Variants in TCEA1 observed in about 807,000 individuals in gnomAD.
The protein encoded by TCEA1 is transcription elongation factor A1.
Under a neutral mutation model 43.8 loss-of-function variants are expected in TCEA1, and 21 were observed. The observed-to-expected ratio is 0.48, with a 90% confidence interval of 0.34 to 0.69. TCEA1 has a LOEUF of 0.69. TCEA1 is among the 30% of genes least tolerant of loss of function. TCEA1 has a pLI of 0.01. For synonymous variants in TCEA1, 104 were observed against 117.5 expected (o/e 0.88, Z 0.75); for missense variants, 250 against 365.1 (o/e 0.68, Z 2.57).
In TCEA1 at chr8:53,967,891, T is replaced by C. The variant is rs1404369267; in HGVS notation, c.*213A>G. The stretch of plus-strand genomic sequence containing the variant: ...CTTATAAAAACAGAAAAAATATGTT[T>C]TGAAACAGGTACCATAAAATTATTA... On this transcript the variant is annotated 3_prime_UTR_variant, in exon 10 of 10. Coordinates refer to ENST00000521604, the MANE Select transcript of TCEA1 (RefSeq NM_006756.4). 1 of 423,322 alleles carries C rather than the reference T, an allele frequency of 2.4e-6. No homozygotes were observed. Among genetic ancestry groups the C allele is most frequent in the Non-Finnish European group, 4.3e-6 (1 of 230,344 alleles). 26.2% of individuals were successfully genotyped at this position (423,322 alleles called of 1,614,324 possible).
At chr8:53,988,673 A>G (rs59387379) in intron 4 of TCEA1, among the ~76,000 whole-genome samples, 25,654 of 151,974 alleles carry the variant, frequency 0.17, 6,131 homozygotes, top group African/African-American at 0.54. Context: ...CTGGAGGGCA[A>G]TGGTGCAATC....
rs999682532 is a variant in TCEA1 at position 53,968,131 on chromosome 8, T to C, written c.898-19A>G. The C allele has an allele frequency of 2.0e-6, 3 of 1,518,408 alleles. No individual in the cohort carries two copies. Among genetic ancestry groups the C allele is most frequent in the African/African-American group, 1.4e-5 (1 of 73,060 alleles). The allele number at this position is 1,518,408 out of a possible 1,614,324, so 94.1% of individuals were successfully genotyped here. ...AACAGAACTGTCAAAAAAGAAAAAA[T>C]ATTTTGTAAGACCTTTAAATACCAA... is the stretch of plus-strand genomic sequence containing the variant. On this transcript the variant is annotated intron_variant, in intron 9 of 9. Transcript: ENST00000521604.
chr8:53,978,812 A>G (rs566008691), intron 8 of TCEA1: 1 of 440,116 alleles, frequency 2.3e-6, no homozygotes, highest in East Asian at 3.3e-5. Context: ...ATTTATAAAT[A>G]AAACTTATCA....
chr8:53,970,658 CT>C (rs962409929), intron 8 of TCEA1, among the ~76,000 whole-genome samples, 195 bp from the exon 9 acceptor site: 99 of 152,122 alleles, frequency 6.5e-4, no homozygotes, highest in African/African-American at 2.2e-3. Context: ...TTCCTAAGTC[CT>C]TCTTTGTCTT....
intron 4 of TCEA1, among the ~76,000 whole-genome samples, chr8:53,991,704 T>A (rs1442746495): frequency 1.3e-5 from 2 of 151,174 alleles, no homozygotes; most frequent in South Asian, 4.2e-4. Context: ...CAAAAAATAA[T>A]AATAATAATA....
intron 4 of TCEA1, among the ~76,000 whole-genome samples, chr8:53,991,371 C>A (rs1250015197): frequency 6.7e-6 from 1 of 149,556 alleles, no homozygotes; most frequent in African/African-American, 2.5e-5. Context: ...CCAGCCTGGG[C>A]AACAGAGCAA....
chr8:54,017,468 ATTTCT>A (rs967407317), intron 1 of TCEA1, among the ~76,000 whole-genome samples: 6 of 152,148 alleles, frequency 3.9e-5, no homozygotes, highest in Admixed American at 6.5e-5. Context: ...TCTCTCCTTT[ATTTCT>A]TTTCTTTTCT....
chr8:54,016,139 T>C (rs1049923966), intron 1 of TCEA1, among the ~76,000 whole-genome samples: 2 of 152,216 alleles, frequency 1.3e-5, no homozygotes, highest in Non-Finnish European at 2.9e-5. Context: ...ATAGTTACTA[T>C]ATGACCCAGT....
Position 54,022,103 on chromosome 8 carries a change from A to C in TCEA1, c.23T>G (p.Phe8Cys). The C allele has an allele frequency of 6.2e-7, 1 of 1,601,978 alleles. No individual in the cohort carries two copies. The change falls in exon 1 of 10, where the codon TTT becomes TGT. Residue 8 changes from phenylalanine (F) to cysteine (C), a missense_variant. By Grantham distance (205) the Phe-to-Cys change is radical (BLOSUM62 -2). Transcript: ENST00000521604. ...CACCATCTTGTCCATCTTCTTGGCA[A>C]AGCGGACCACTTCGTCCTCCATGGC... The part of the protein sequence containing the change: MEDEVVR[F>C]AKKMDKMVQK...
At chr8:53,970,312 C>T (rs199847445) in intron 9 of TCEA1, 80 bp downstream of exon 9, 3 of 938,798 alleles carry the variant, frequency 3.2e-6, no homozygotes, top group South Asian at 1.3e-5. Context: ...ATTTAGATAT[C>T]TAGGCAGACC....
At chr8:54,001,977 T>TAA (rs57672283) in intron 2 of TCEA1, among the ~76,000 whole-genome samples, 3 of 138,638 alleles carry the variant, frequency 2.2e-5, no homozygotes, top group Admixed American at 7.2e-5. Flanking sequence ...CTGTCTCTAC[T>TAA]AAAAAAAAAA....
At chr8:54,003,482 G>A (rs1804338781) in intron 2 of TCEA1, among the ~76,000 whole-genome samples, 1 of 152,152 alleles carries the variant, frequency 6.6e-6, no homozygotes, top group Non-Finnish European at 1.5e-5. Flanking sequence ...GCATAGTACT[G>A]GCAAAAGGAT....
chr8:53,980,064 T>C (rs1399424684), intron 7 of TCEA1, among the ~76,000 whole-genome samples: 2 of 152,090 alleles, frequency 1.3e-5, no homozygotes, highest in East Asian at 1.9e-4. Flanking sequence ...TTAACCGCAA[T>C]AGCGCAGTCT....
intron 1 of TCEA1, among the ~76,000 whole-genome samples, chr8:54,018,270 A>T (rs1261838784): frequency 6.6e-6 from 1 of 152,158 alleles, no homozygotes; most frequent in Admixed American, 6.5e-5. Context: ...CTTCAATGAA[A>T]TAAATAAATA....
chr8:54,016,441 C>A (rs773482672), intron 1 of TCEA1, among the ~76,000 whole-genome samples: 21 of 152,096 alleles, frequency 1.4e-4, no homozygotes, highest in Admixed American at 2.6e-4. Flanking sequence ...GCACTCCAGC[C>A]GGGGTGACAG....
intron 7 of TCEA1, among the ~76,000 whole-genome samples, chr8:53,980,999 C>T (rs139227912): frequency 6.6e-6 from 1 of 152,300 alleles, no homozygotes; most frequent in East Asian, 1.9e-4. Context: ...GTGGCCTAGA[C>T]AGAAGATCAA....
At chr8:54,018,817 C>T (rs1240950636) in intron 1 of TCEA1, among the ~76,000 whole-genome samples, 1 of 152,188 alleles carries the variant, frequency 6.6e-6, no homozygotes, top group Non-Finnish European at 1.5e-5. Flanking sequence ...CAAGTTCATA[C>T]TCTTACTTCC....
chr8:53,982,733 A>G (rs1447300651), intron 7 of TCEA1, among the ~76,000 whole-genome samples: 1 of 152,190 alleles, frequency 6.6e-6, no homozygotes, highest in African/African-American at 2.4e-5. Flanking sequence ...TCATAATAAA[A>G]GCTGAATAGA....
chr8:54,002,464 G>A (rs1330743989), intron 2 of TCEA1, among the ~76,000 whole-genome samples: 3 of 140,286 alleles, frequency 2.1e-5, no homozygotes, highest in East Asian at 2.0e-4. Flanking sequence ...ACAAGACTCC[G>A]TCTCAAAAAA....
Sources: allele counts gnomAD v4.1 joint callset (sites outside exome capture counted in the v4.1 genomes callset), GRCh38; gene constraint gnomAD v4.1.1; transcripts MANE v1.5; gene names NCBI Gene and HGNC (gene_info 2026-07-23, HGNC 2026-07-21).